Variants in NRCAM observed in about 807,000 individuals in gnomAD.
NRCAM encodes the protein neuronal cell adhesion molecule.
NRCAM carries 83 observed loss-of-function variants against 156.5 expected under a neutral mutation model. The observed-to-expected ratio is 0.53, with a 90% CI of 0.44 to 0.64. NRCAM has a LOEUF of 0.64. Ranked by LOEUF, NRCAM falls within the 30% of genes least tolerant of loss-of-function variation. The pLI is 0.00. For synonymous variants in NRCAM, 538 were observed against 563.9 expected, an observed-to-expected ratio of 0.95 and a Z score of 0.65; for missense variants, 1,417 against 1,597.3, an observed-to-expected ratio of 0.89 and a Z score of 1.92.
intron 2 of NRCAM, among the ~76,000 whole-genome samples, chr7:108,324,783 T>C (rs2099046321): frequency 2.0e-5 from 3 of 151,834 alleles, no homozygotes; most frequent in Admixed American, 6.6e-5. Flanking sequence ...TTGAAACAAA[T>C]TGTCAACCTG....
intron 8 of NRCAM, 78 bp downstream of exon 8, chr7:108,230,953 T>C: frequency 8.9e-7 from 1 of 1,128,034 alleles, no homozygotes; most frequent in Non-Finnish European, 1.3e-6. Flanking sequence ...TTATGAATCA[T>C]AAGAGGTAAT....
chr7:108,342,683 T>C (rs1229220756), intron 2 of NRCAM, among the ~76,000 whole-genome samples: 1 of 152,208 alleles, frequency 6.6e-6, no homozygotes, highest in Non-Finnish European at 1.5e-5. Context: ...GGGACAAGCC[T>C]GCAACCCATG....
At chr7:108,239,256 C>T (rs1003511639) in intron 4 of NRCAM, among the ~76,000 whole-genome samples, 20 of 152,256 alleles carry the variant, frequency 1.3e-4, no homozygotes, top group African/African-American at 4.1e-4. Context: ...AGGGCTAATA[C>T]AGTAGCTGTT....
In NRCAM at chr7:108,334,738, C is replaced by T. The variant is rs2099161561; in HGVS notation, c.-173-22007G>A. ...TGTGCCTGTGAGTAACCAGACACACCAAGGAGGGAACAGGCTACCAAACAT... is the reference window on the plus strand; with the variant it reads ...TGTGCCTGTGAGTAACCAGACACACTAAGGAGGGAACAGGCTACCAAACAT... On this transcript the variant is annotated intron_variant, in intron 2 of 32. Coordinates refer to ENST00000379028, the MANE Select transcript of NRCAM (RefSeq NM_001037132.4). Among the ~76,000 whole-genome samples, 3 of 151,978 alleles carry T rather than the reference C, an allele frequency of 2.0e-5. No individual in the cohort carries two copies. In the South Asian group the frequency reaches 6.2e-4, roughly 32 times the overall value.
intron 11 of NRCAM, among the ~76,000 whole-genome samples, chr7:108,220,241 T>C (rs1013448193): frequency 4.7e-5 from 7 of 150,354 alleles, no homozygotes; most frequent in African/African-American, 1.2e-4. Flanking sequence ...CATGGAAGAG[T>C]AGAATCAATA....
chr7:108,159,255 A>G (rs904730090), intron 32 of NRCAM: 1 of 716,794 alleles, frequency 1.4e-6, no homozygotes, highest in Admixed American at 1.8e-5. Flanking sequence ...CTCCAAAATT[A>G]TGACTAAAAT....
intron 11 of NRCAM, among the ~76,000 whole-genome samples, chr7:108,210,051 C>A (rs2153587653): frequency 6.6e-6 from 1 of 152,216 alleles, no homozygotes; most frequent in East Asian, 1.9e-4. Context: ...TGACCATAAA[C>A]CTTTGTATAC....
chr7:108,412,053 T>A (rs1169130147), intron 1 of NRCAM, among the ~76,000 whole-genome samples: 1 of 152,170 alleles, frequency 6.6e-6, no homozygotes, highest in Non-Finnish European at 1.5e-5. Context: ...TGATAAAAAA[T>A]ATCAAATTGA....
At chr7:108,188,395 G>C (rs959646114) in intron 20 of NRCAM, among the ~76,000 whole-genome samples, 1 of 151,858 alleles carries the variant, frequency 6.6e-6, no homozygotes, top group Non-Finnish European at 1.5e-5. Context: ...GTGTGTGTGT[G>C]TGTGTATATA....
intron 1 of NRCAM, among the ~76,000 whole-genome samples, chr7:108,448,405 T>C (rs1448327994): frequency 6.6e-6 from 1 of 152,256 alleles, no homozygotes; most frequent in Admixed American, 6.5e-5. Context: ...TTAGCCATCA[T>C]GCTACTAACA....
chr7:108,273,317 C>T (rs919238826), intron 3 of NRCAM, among the ~76,000 whole-genome samples: 27 of 151,980 alleles, frequency 1.8e-4, no homozygotes, highest in Non-Finnish European at 2.9e-4. Flanking sequence ...CTTGAGGAAT[C>T]GCCACACTGT....
chr7:108,198,148 A>C, intron 13 of NRCAM, 49 bp from the exon 14 acceptor site: 1 of 1,486,092 alleles, frequency 6.7e-7, no homozygotes, highest in Non-Finnish European at 9.1e-7. Context: ...TGCTTAAAAG[A>C]TGTATATTAA....
At chr7:108,216,532 G>A (rs1436436806) in intron 11 of NRCAM, among the ~76,000 whole-genome samples, 1 of 152,174 alleles carries the variant, frequency 6.6e-6, no homozygotes, top group Non-Finnish European at 1.5e-5. Context: ...CATTCTCCCT[G>A]TCACTTTCAG....
chr7:108,381,648 C>T (rs2099701938), intron 2 of NRCAM, among the ~76,000 whole-genome samples: 1 of 151,454 alleles, frequency 6.6e-6, no homozygotes, highest in Admixed American at 6.6e-5. Context: ...CAACCTCCGC[C>T]TCCCAGGTTC....
chr7:108,420,374 C>A (rs923693079), intron 1 of NRCAM, among the ~76,000 whole-genome samples: 9 of 152,104 alleles, frequency 5.9e-5, no homozygotes, highest in Middle Eastern at 6.3e-3. Context: ...CACTACTTTG[C>A]TAAAAAAAGT....
chr7:108,271,693 CAAAA>C (rs200366639), intron 3 of NRCAM, among the ~76,000 whole-genome samples: 2 of 126,452 alleles, frequency 1.6e-5, no homozygotes. Flanking sequence ...GACTCCACGT[CAAAA>C]AAAAAAAAAA....
chr7:108,451,168 G>C (rs889182258), intron 1 of NRCAM, among the ~76,000 whole-genome samples: 1 of 150,962 alleles, frequency 6.6e-6, no homozygotes, highest in Non-Finnish European at 1.5e-5. Flanking sequence ...GCAGTGAGCC[G>C]AGACTGCAGC....
chr7:108,248,224 T>C (rs965724141), intron 3 of NRCAM, among the ~76,000 whole-genome samples: 1 of 152,166 alleles, frequency 6.6e-6, no homozygotes, highest in East Asian at 1.9e-4. Flanking sequence ...CTTATCCACT[T>C]GTCAAGAAAG....
intron 2 of NRCAM, among the ~76,000 whole-genome samples, chr7:108,388,058 T>G (rs1343097919): frequency 6.6e-6 from 1 of 152,106 alleles, no homozygotes; most frequent in South Asian, 2.1e-4. Flanking sequence ...ATTTATAATC[T>G]TTTGGGTATA....
Sources: gnomAD v4.1 joint callset for allele counts (sites outside exome capture counted in the v4.1 genomes callset) on GRCh38, gnomAD v4.1.1 for gene constraint, MANE v1.5 for transcripts, NCBI Gene and HGNC (gene_info 2026-07-23, HGNC 2026-07-21) for gene names.